CDH23: variants seen among roughly 807,000 people sequenced by gnomAD.
The protein encoded by CDH23 is cadherin-23.
CDH23 carries 189 observed loss-of-function variants against 317.1 expected under a neutral mutation model. That is an observed-to-expected ratio of 0.60 (90% CI 0.53 to 0.67). The LOEUF is 0.67. CDH23 is among the 30% of genes least tolerant of loss of function. The pLI is 0.00. For synonymous variants in CDH23, 1,839 were observed against 1,876.8 expected (o/e 0.98, Z 0.52); for missense variants, 4,401 against 4,592.4 (o/e 0.96, Z 1.20).
At chr10:71,767,704 C>T (rs1004259227) in intron 38 of CDH23, among the ~76,000 whole-genome samples, 1 of 152,238 alleles carries the variant, frequency 6.6e-6, no homozygotes, top group Non-Finnish European at 1.5e-5. Context: ...GGGCCTGAAG[C>T]CAGCAAGTCT....
At chr10:71,738,060 A>C (rs1052838247) in intron 34 of CDH23, among the ~76,000 whole-genome samples, 1 of 152,168 alleles carries the variant, frequency 6.6e-6, no homozygotes, top group Non-Finnish European at 1.5e-5. Context: ...GCCCACACAT[A>C]ATATTCTTCT....
intron 9 of CDH23, among the ~76,000 whole-genome samples, chr10:71,580,852 C>T (rs548272759): frequency 6.6e-6 from 1 of 152,144 alleles, no homozygotes; most frequent in South Asian, 2.1e-4. Context: ...GCCCCCACCC[C>T]CCATTCCTAC....
At chr10:71,609,951 CGTGTGTGTGTGTGTGTGTGT>C (rs34311857) in intron 9 of CDH23, among the ~76,000 whole-genome samples, 15 of 142,872 alleles carry the variant, frequency 1.0e-4, no homozygotes, top group Non-Finnish European at 1.8e-4. Context: ...AGGACTCCCC[CGTGTGTGTGTGTGTGTGTGT>C]GTGTGTGTGT....
intron 6 of CDH23, among the ~76,000 whole-genome samples, chr10:71,549,338 C>T (rs1264342540): frequency 2.0e-5 from 3 of 152,254 alleles, no homozygotes; most frequent in South Asian, 2.1e-4. Context: ...TAAGACTGAC[C>T]GATTAGCCCA....
chr10:71,675,264 CCAGG>C, intron 15 of CDH23, 88 bp downstream of exon 15: 2 of 1,132,420 alleles, frequency 1.8e-6, no homozygotes. Context: ...TTTTCAGTGC[CCAGG>C]GAGGGAGGTG....
intron 3 of CDH23, among the ~76,000 whole-genome samples, chr10:71,491,144 G>C (rs151040256): frequency 2.0e-5 from 3 of 152,184 alleles, no homozygotes; most frequent in Non-Finnish European, 4.4e-5. Flanking sequence ...AGCTCCTCGC[G>C]TCATGTGATC....
intron 1 of CDH23, 93 bp from the exon 2 acceptor site, chr10:71,439,734 C>T: frequency 1.1e-6 from 1 of 874,602 alleles, no homozygotes; most frequent in African/African-American, 1.7e-5. Context: ...AGCCCCAGTT[C>T]TCTCTGGAGC....
At chr10:71,515,862 G>A (rs181674261) in intron 6 of CDH23, among the ~76,000 whole-genome samples, 2 of 152,334 alleles carry the variant, frequency 1.3e-5, no homozygotes, top group Non-Finnish European at 2.9e-5. Context: ...AGTCAAATAA[G>A]TGAATGTCTA....
intron 3 of CDH23, among the ~76,000 whole-genome samples, chr10:71,493,845 CT>C (rs929713127): frequency 3.9e-5 from 6 of 151,974 alleles, no homozygotes; most frequent in East Asian, 1.9e-4. Flanking sequence ...ACACAAAATC[CT>C]TTTTTTTAAT....
At chr10:71,532,716 T>G (rs1365134355) in intron 6 of CDH23, among the ~76,000 whole-genome samples, 27 of 42,448 alleles carry the variant, frequency 6.4e-4, no homozygotes, top group Non-Finnish European at 8.5e-4. Flanking sequence ...TTTTTGTTTT[T>G]TTTTTTTTTT....
At chr10:71,795,078 CA>C (rs1333073452) in intron 48 of CDH23, among the ~76,000 whole-genome samples, 1 of 152,132 alleles carries the variant, frequency 6.6e-6, no homozygotes, top group Non-Finnish European at 1.5e-5. Flanking sequence ...GCCACAGCAC[CA>C]TTTCCATAAA....
intron 3 of CDH23, among the ~76,000 whole-genome samples, chr10:71,495,437 G>T (rs975225095): frequency 6.6e-6 from 1 of 152,174 alleles, no homozygotes; most frequent in Non-Finnish European, 1.5e-5. Flanking sequence ...GACAAGCTGG[G>T]TTGGGTCTCT....
intron 9 of CDH23, among the ~76,000 whole-genome samples, chr10:71,611,464 G>A (rs920649097): frequency 3.3e-5 from 5 of 152,226 alleles, no homozygotes; most frequent in African/African-American, 1.2e-4. Flanking sequence ...GGCTGCTGGG[G>A]TGGTGGGGAG....
Position 71,734,565 on chromosome 10 carries a change from G to T in CDH23, c.4207-91G>T, listed in dbSNP as rs77901168. On this transcript the variant is annotated intron_variant, in intron 33 of 69. Coordinates refer to ENST00000224721, the MANE Select transcript of CDH23 (RefSeq NM_022124.6). ...GGGTGGCACCTCCAGAGACACTGCC[G>T]GGAGTGGGGTCTGGAAGAGCCACAG... 56 of 1,606,262 alleles carry T rather than the reference G, an allele frequency of 3.5e-5. No homozygotes were observed. In the East Asian group the frequency reaches 1.2e-3, roughly 35 times the overall value.
At chr10:71,667,157 C>T (rs574102914) in intron 14 of CDH23, among the ~76,000 whole-genome samples, 3 of 152,324 alleles carry the variant, frequency 2.0e-5, no homozygotes, top group African/African-American at 4.8e-5. Context: ...GCAGAAGCCC[C>T]GTGCGGGGCA....
chr10:71,505,815 C>A (rs1853600246), intron 3 of CDH23, among the ~76,000 whole-genome samples: 1 of 152,216 alleles, frequency 6.6e-6, no homozygotes, highest in Non-Finnish European at 1.5e-5. Context: ...CCATGGAGAA[C>A]ACTTTGGCAG....
At chr10:71,586,447 C>T (rs377187787) in intron 9 of CDH23, among the ~76,000 whole-genome samples, 4 of 152,248 alleles carry the variant, frequency 2.6e-5, no homozygotes, top group African/African-American at 7.2e-5. Context: ...ACGTAATTCT[C>T]GGCTCACGAT....
intron 3 of CDH23, among the ~76,000 whole-genome samples, chr10:71,468,851 G>A (rs528574179): frequency 2.6e-5 from 4 of 152,132 alleles, no homozygotes; most frequent in East Asian, 1.9e-4. Context: ...CTTACTCCAC[G>A]CACGCCTCTG....
intron 69 of CDH23, among the ~76,000 whole-genome samples, chr10:71,814,691 CA>C (rs2133014490): frequency 7.2e-6 from 1 of 138,218 alleles, no homozygotes; most frequent in African/African-American, 2.7e-5. Flanking sequence ...TACACACACA[CA>C]CAATTTTCAC....
Sources: allele counts gnomAD v4.1 joint callset (sites outside exome capture counted in the v4.1 genomes callset), GRCh38; gene constraint gnomAD v4.1.1; transcripts MANE v1.5; gene names NCBI Gene and HGNC (gene_info 2026-07-23, HGNC 2026-07-21).